The following ANTXR1 variants were observed in gnomAD, a reference collection of about 807,000 sequenced individuals.
The protein encoded by ANTXR1 is ANTXR cell adhesion molecule 1.
In ANTXR1, 19 loss-of-function variants were observed where a neutral mutation model predicts 78.1. That is an observed-to-expected ratio of 0.24 (90% CI 0.17 to 0.36). ANTXR1 has a LOEUF of 0.36. Among genes scored for constraint, ANTXR1 ranks in the 10% least tolerant of loss-of-function variants. ANTXR1 has a pLI of 1.00. For missense variants in ANTXR1, 518 were observed against 718.6 expected (o/e 0.72, Z 3.19); for synonymous variants, 273 against 260.5 (o/e 1.05, Z -0.46).
intron 12 of ANTXR1, among the ~76,000 whole-genome samples, chr2:69,151,011 G>A (rs1368372932): frequency 6.6e-6 from 1 of 152,066 alleles, no homozygotes; most frequent in African/African-American, 2.4e-5. Context: ...GTGACAGAGT[G>A]AGACCCTGTC....
intron 13 of ANTXR1, among the ~76,000 whole-genome samples, chr2:69,163,377 G>A (rs1264419789): frequency 1.3e-5 from 2 of 151,722 alleles, no homozygotes; most frequent in East Asian, 1.9e-4. Context: ...CTATTCTGCT[G>A]CTCTCGGCAT....
intron 9 of ANTXR1, among the ~76,000 whole-genome samples, chr2:69,098,942 C>T (rs10189324): frequency 0.095 from 14,444 of 152,134 alleles, 759 homozygotes; most frequent in African/African-American, 0.12. Context: ...GCCAAGATCA[C>T]GTCACTGCAC....
intron 17 of ANTXR1, among the ~76,000 whole-genome samples, chr2:69,225,666 G>A (rs1336141794): frequency 6.6e-6 from 1 of 152,044 alleles, no homozygotes; most frequent in African/African-American, 2.4e-5. Flanking sequence ...GAGATGGGAT[G>A]CAGGAGAGAG....
intron 17 of ANTXR1, among the ~76,000 whole-genome samples, chr2:69,215,177 T>G (rs935415560): frequency 1.3e-5 from 2 of 152,176 alleles, no homozygotes; most frequent in African/African-American, 4.8e-5. Flanking sequence ...GCTCTCCAAG[T>G]AGCCCCATGG....
At chr2:69,054,795 G>C (rs1002646580) in intron 3 of ANTXR1, among the ~76,000 whole-genome samples, 3 of 152,196 alleles carry the variant, frequency 2.0e-5, no homozygotes, top group Non-Finnish European at 4.4e-5. Context: ...AGGAGAAAGA[G>C]TCTTAAGATA....
chr2:69,127,161 T>G (rs930146411), intron 12 of ANTXR1, among the ~76,000 whole-genome samples: 1 of 152,184 alleles, frequency 6.6e-6, no homozygotes, highest in Non-Finnish European at 1.5e-5. Context: ...CAAAAGGTAA[T>G]AGATGCTATA....
At chr2:69,145,502 T>TA (rs980743952) in intron 12 of ANTXR1, 7 of 1,470,212 alleles carry the variant, frequency 4.8e-6, no homozygotes, top group Non-Finnish European at 6.3e-6. Flanking sequence ...GGCCTGGAGT[T>TA]ACGCACACTG....
chr2:69,151,756 G>A (rs2104429312), intron 12 of ANTXR1, among the ~76,000 whole-genome samples: 2 of 152,298 alleles, frequency 1.3e-5, no homozygotes, highest in Middle Eastern at 6.8e-3. Context: ...CAGGGGAGCA[G>A]GCTGAATTCA....
chr2:69,192,719 C>T (rs1674570297), intron 16 of ANTXR1, among the ~76,000 whole-genome samples: 1 of 152,214 alleles, frequency 6.6e-6, no homozygotes, highest in Admixed American at 6.5e-5. Flanking sequence ...GACATAGTCA[C>T]TCTTCTCCGT....
At chr2:69,113,147 T>C (rs187535542) in intron 10 of ANTXR1, among the ~76,000 whole-genome samples, 5 of 152,316 alleles carry the variant, frequency 3.3e-5, no homozygotes, top group South Asian at 2.1e-4. Context: ...TATGCATGTC[T>C]GGGAGAGATT....
intron 13 of ANTXR1, among the ~76,000 whole-genome samples, chr2:69,158,150 A>T (rs1673577562): frequency 6.6e-6 from 1 of 152,190 alleles, no homozygotes; most frequent in Non-Finnish European, 1.5e-5. Flanking sequence ...AGAGCATAAT[A>T]CAGTGCCTGG....
intron 3 of ANTXR1, among the ~76,000 whole-genome samples, chr2:69,048,958 C>T (rs1395309288): frequency 2.6e-5 from 4 of 152,156 alleles, no homozygotes; most frequent in African/African-American, 4.8e-5. Flanking sequence ...TACCATGTCT[C>T]GTTTACGTCC....
At position 69,085,645 on chromosome 2, in the gene ANTXR1, A is replaced by G. The variant is rs563861522; in HGVS notation, c.643-5214A>G. On this transcript the variant is annotated intron_variant, in intron 8 of 17. Transcript: ENST00000303714. ...GCTAGTCATTGTGAATATAATAAGT[A>G]AAAACAAACCCAGTCCTTCTCCTTG... 7.9e-5 allele frequency among the ~76,000 whole-genome samples: 12 copies of G among 152,338 alleles called. No individual in the cohort carries two copies. The East Asian group carries it at 2.3e-3, about 29-fold the overall frequency.
chr2:69,229,933 A>G (rs1675548197), intron 17 of ANTXR1, among the ~76,000 whole-genome samples: 1 of 152,148 alleles, frequency 6.6e-6, no homozygotes. Context: ...TAAGAAGAGC[A>G]AAGTTAAGAA....
chr2:69,197,857 G>A (rs1477525695), intron 17 of ANTXR1, among the ~76,000 whole-genome samples: 1 of 152,222 alleles, frequency 6.6e-6, no homozygotes, highest in African/African-American at 2.4e-5. Flanking sequence ...AAGGGGTCAT[G>A]AGAGCTTTTT....
intron 3 of ANTXR1, among the ~76,000 whole-genome samples, chr2:69,060,727 G>A (rs530683732): frequency 1.3e-5 from 2 of 152,284 alleles, no homozygotes; most frequent in Non-Finnish European, 2.9e-5. Context: ...GTAACATAGC[G>A]GGCCTTGCTA....
intron 11 of ANTXR1, among the ~76,000 whole-genome samples, chr2:69,123,972 G>C (rs1457750174): frequency 6.6e-6 from 1 of 152,220 alleles, no homozygotes; most frequent in Non-Finnish European, 1.5e-5. Context: ...GCATCAATCT[G>C]TGATGCCACT....
chr2:69,200,689 T>G (rs527774641), intron 17 of ANTXR1, among the ~76,000 whole-genome samples: 1 of 152,346 alleles, frequency 6.6e-6, no homozygotes, highest in Admixed American at 6.5e-5. Flanking sequence ...AATCCATTTC[T>G]GGGCTGAGCA....
At chr2:69,187,552 G>A (rs192021220) in intron 16 of ANTXR1, among the ~76,000 whole-genome samples, 1 of 150,620 alleles carries the variant, frequency 6.6e-6, no homozygotes, top group African/African-American at 2.4e-5. Flanking sequence ...TTCCTTTGGG[G>A]GAAAGCTGGG....
Sources: gnomAD v4.1 joint callset for allele counts (sites outside exome capture counted in the v4.1 genomes callset) on GRCh38, gnomAD v4.1.1 for gene constraint, MANE v1.5 for transcripts, NCBI Gene and HGNC (gene_info 2026-07-23, HGNC 2026-07-21) for gene names.